OR2L13: variants seen among roughly 807,000 people sequenced by gnomAD.
OR2L13 encodes the protein olfactory receptor 2L13.
OR2L13 carries 14 observed loss-of-function variants against 15.3 expected under a neutral mutation model. The observed-to-expected ratio is 0.91, with a 90% CI of 0.60 to 1.43. The LOEUF (loss-of-function observed/expected upper bound fraction) is 1.43, where lower values mean the gene tolerates loss of function less well. Among genes scored for constraint, OR2L13 ranks in the 40% most tolerant of loss-of-function variants. The probability of loss-of-function intolerance (pLI) is 0.00; values close to 1 mark genes in which losing one functional copy is unlikely to be tolerated. For missense variants in OR2L13, 367 were observed against 387.9 expected (o/e 0.95, Z 0.45); for synonymous variants, 152 against 142.9 (o/e 1.06, Z -0.45).
the OR2L13 span, among the ~76,000 whole-genome samples, chr1:247,974,271 G>C: frequency 3.9e-5 from 6 of 152,048 alleles, no homozygotes; most frequent in African/African-American, 9.6e-5. Context: ...GAACCTTTGT[G>C]GGGGGGCCAA....
the OR2L13 span, chr1:248,060,994 G>T: frequency 2.5e-6 from 4 of 1,613,942 alleles, no homozygotes; most frequent in East Asian, 2.2e-5. Flanking sequence ...CTTCTTCTCG[G>T]CATTAGGAGG....
At chr1:248,020,945 A>G in the OR2L13 span, among the ~76,000 whole-genome samples, 10 of 151,830 alleles carry the variant, frequency 6.6e-5, no homozygotes, top group Admixed American at 2.6e-4. Flanking sequence ...ATGCAAAGAC[A>G]ATTCAAGAAG....
chr1:247,983,238 T>G, the OR2L13 span, among the ~76,000 whole-genome samples: 5,893 of 152,254 alleles, frequency 0.039, 347 homozygotes, highest in African/African-American at 0.13. Flanking sequence ...TCTAATGGAA[T>G]TATGGAACAA....
At chr1:247,959,759 T>A in the OR2L13 span, among the ~76,000 whole-genome samples, 1 of 152,360 alleles carries the variant, frequency 6.6e-6, no homozygotes, top group African/African-American at 2.4e-5. Flanking sequence ...TGTGCATTCG[T>A]CACGTAGTTC....
the OR2L13 span, among the ~76,000 whole-genome samples, chr1:247,999,082 C>T: frequency 1.3e-5 from 2 of 152,254 alleles, no homozygotes; most frequent in Admixed American, 6.5e-5. Flanking sequence ...AAGTAAGACA[C>T]GTTCACTATC....
the OR2L13 span, among the ~76,000 whole-genome samples, chr1:248,068,875 T>C: frequency 6.6e-6 from 1 of 151,788 alleles, no homozygotes; most frequent in Non-Finnish European, 1.5e-5. Context: ...AGGGTATCAG[T>C]GATGGAAGAT....
At chr1:248,044,102 T>C in the OR2L13 span, among the ~76,000 whole-genome samples, 1 of 152,136 alleles carries the variant, frequency 6.6e-6, no homozygotes, top group African/African-American at 2.4e-5. Context: ...CCAAACTTTC[T>C]GGGAATGCAG....
chr1:248,075,203 C>T, the OR2L13 span, among the ~76,000 whole-genome samples: 2 of 152,176 alleles, frequency 1.3e-5, no homozygotes, highest in Non-Finnish European at 2.9e-5. Context: ...GACATGAACT[C>T]ATTCTTTTTT....
At chr1:247,960,136 G>T in the OR2L13 span, among the ~76,000 whole-genome samples, 1 of 152,288 alleles carries the variant, frequency 6.6e-6, no homozygotes, top group Admixed American at 6.5e-5. Flanking sequence ...TGTCCTTTCT[G>T]TTTGTTAGTT....
the OR2L13 span, among the ~76,000 whole-genome samples, chr1:247,972,689 C>G: frequency 3.9e-5 from 6 of 152,090 alleles, no homozygotes; most frequent in African/African-American, 1.4e-4. Context: ...CCAAATTCAA[C>G]CAGAGGTACA....
chr1:248,088,613 C>A, the OR2L13 span, among the ~76,000 whole-genome samples: 2 of 152,140 alleles, frequency 1.3e-5, no homozygotes, highest in African/African-American at 2.4e-5. Flanking sequence ...CCCTGCAAGG[C>A]AGAGTAAAGT....
At chr1:247,965,802 C>A in the OR2L13 span, 1 of 1,607,388 alleles carries the variant, frequency 6.2e-7, no homozygotes, top group Non-Finnish European at 8.5e-7. Context: ...AGATCTGCTG[C>A]CTCATGGTTG....
chr1:248,088,325 T>C, the OR2L13 span, among the ~76,000 whole-genome samples: 3 of 152,198 alleles, frequency 2.0e-5, no homozygotes, highest in Non-Finnish European at 4.4e-5. Flanking sequence ...TTGGATAGCC[T>C]ATAAACTAAT....
chr1:248,004,669 T>C, the OR2L13 span, among the ~76,000 whole-genome samples: 1 of 152,180 alleles, frequency 6.6e-6, no homozygotes, highest in Non-Finnish European at 1.5e-5. Context: ...CAGGAAATGA[T>C]TGAACATCAG....
chr1:248,016,310 A>AT, the OR2L13 span, among the ~76,000 whole-genome samples: 7 of 151,948 alleles, frequency 4.6e-5, no homozygotes, highest in Non-Finnish European at 8.8e-5. Flanking sequence ...TTACATGGGT[A>AT]TTTTTTTTGT....
chr1:248,092,924 C>T (rs1461000203), upstream of OR2L13, among the ~76,000 whole-genome samples: 1 of 152,094 alleles, frequency 6.6e-6, no homozygotes, highest in African/African-American at 2.4e-5. Flanking sequence ...ATATTTTCCT[C>T]TAAAGAATTT....
chr1:247,981,542 A>G, the OR2L13 span, among the ~76,000 whole-genome samples: 4 of 152,220 alleles, frequency 2.6e-5, no homozygotes, highest in Non-Finnish European at 5.9e-5. Context: ...TCAAGACACA[A>G]TGTAAACTTC....
At chr1:248,063,852 C>T in the OR2L13 span, among the ~76,000 whole-genome samples, 5 of 152,240 alleles carry the variant, frequency 3.3e-5, no homozygotes, top group East Asian at 1.9e-4. Flanking sequence ...AATTGCCCCA[C>T]GTGGGTGTTG....
chr1:247,960,304 TTG>T, the OR2L13 span, among the ~76,000 whole-genome samples: 5 of 152,308 alleles, frequency 3.3e-5, no homozygotes, highest in African/African-American at 1.2e-4. Context: ...TCTGGAAGTT[TTG>T]TCTCAGAGGA....
Sources: gnomAD v4.1 joint callset for allele counts (sites outside exome capture counted in the v4.1 genomes callset) on GRCh38, gnomAD v4.1.1 for gene constraint, MANE v1.5 for transcripts, NCBI Gene and HGNC (gene_info 2026-07-23, HGNC 2026-07-21) for gene names.